Variants in TRUB2 observed in about 807,000 individuals in gnomAD.
TRUB2 encodes the protein TruB pseudouridine synthase family member 2, also known as pseudouridylate synthase TRUB2, mitochondrial.
A neutral mutation model predicts 31.9 loss-of-function variants in TRUB2; 31 were observed. That is an observed-to-expected ratio of 0.97 (90% confidence interval 0.73 to 1.31). The LOEUF is 1.31. TRUB2 is among the 50% of genes most tolerant of loss of function. TRUB2 has a pLI of 0.00. For synonymous variants in TRUB2, 201 were observed against 182.6 expected, an observed-to-expected ratio of 1.10 and a Z score of -0.81; for missense variants, 451 against 439.6, an observed-to-expected ratio of 1.03 and a Z score of -0.23.
At chr9:128,320,557 C>T (rs1832147710) in intron 2 of TRUB2, among the ~76,000 whole-genome samples, 1 of 151,956 alleles carries the variant, frequency 6.6e-6, no homozygotes, top group African/African-American at 2.4e-5. Context: ...GTCTCGAACT[C>T]CCGACCTCAG....
chr9:128,315,597 G>C lies in TRUB2; in HGVS notation c.348C>G (p.Leu116=). 6.2e-7 allele frequency: 1 copy of C among 1,613,758 alleles called. No homozygotes were observed. The highest frequency in any genetic ancestry group is 2.2e-5 in the East Asian group (1 of 44,876). The change falls in exon 4 of 8, where the codon CTC becomes CTG. Residue 116 remains leucine (L), a synonymous_variant. Transcript: ENST00000372890. Reference sequence around the variant, plus strand: ...TAAGATGAGCATTGTACATATCGGTGAGGAGCCTGCATCCATGTCCCACGC... The same window carrying C: ...TAAGATGAGCATTGTACATATCGGTCAGGAGCCTGCATCCATGTCCCACGC... ...VLGVGHGCRL[L]TDMYNAHLTK...
At chr9:128,312,428 G>C (rs369718010) in intron 5 of TRUB2, among the ~76,000 whole-genome samples, 1 of 148,892 alleles carries the variant, frequency 6.7e-6, no homozygotes, top group African/African-American at 2.5e-5. Context: ...GTGAGCCACC[G>C]AACCTGGCCT....
chr9:128,311,551 AG>A lies in TRUB2; in HGVS notation c.510del (p.Ser171ProfsTer7), dbSNP rs1368947053. 1.2e-6 allele frequency: 2 copies of A among 1,614,030 alleles called. No homozygotes were observed. Among genetic ancestry groups the A allele is most frequent in the African/African-American group, 1.3e-5 (1 of 75,004 alleles). ...CACATCACCAGGGCCTTCTGATGGG[AG>A]CCTTGGATAACGGCCAGAATGCGGT... ...KLDRILAVIQGSHQKALVMYS... is the reference protein window; with the variant it reads ...KLDRILAVIQXSHQKALVMYS... On this transcript the variant is annotated frameshift_variant, in exon 6 of 8. Transcript: ENST00000372890. LOFTEE classifies it high-confidence loss of function.
intron 3 of TRUB2, chr9:128,315,910 A>G: frequency 2.1e-6 from 1 of 468,404 alleles, no homozygotes; most frequent in South Asian, 2.3e-5. Flanking sequence ...AGAGGAAGAG[A>G]TCCCTGGCCT....
chr9:128,319,115 A>T (rs949460224), intron 2 of TRUB2, among the ~76,000 whole-genome samples: 20 of 151,934 alleles, frequency 1.3e-4, no homozygotes, highest in African/African-American at 4.1e-4. Flanking sequence ...TCACGAGGTC[A>T]GGAGATCGAG....
intron 3 of TRUB2, chr9:128,315,983 C>T (rs1301977340): frequency 1.6e-5 from 4 of 243,356 alleles, no homozygotes; most frequent in Admixed American, 9.0e-5. Flanking sequence ...CCTCTTTGAG[C>T]GTCAAGTTCC....
At chr9:128,317,027 G>A in intron 3 of TRUB2, 125 bp downstream of exon 3, 1 of 810,994 alleles carries the variant, frequency 1.2e-6, no homozygotes, top group Non-Finnish European at 1.9e-6. Context: ...CTTGGGGCAG[G>A]AATCAGGGCA....
At position 128,309,503 on chromosome 9, in the gene TRUB2, C is replaced by G. The variant is rs781730336; in HGVS notation, c.*47G>C. The stretch of plus-strand genomic sequence containing the variant: ...CACAGCTATCAGGTCCAGCTCATAG[C>G]AGTTCTTCTATTTATCCATCCACTG... On this transcript the variant is annotated 3_prime_UTR_variant, in exon 8 of 8. Coordinates refer to ENST00000372890, the MANE Select transcript of TRUB2 (RefSeq NM_015679.3). 1.3e-6 allele frequency: 2 copies of G among 1,564,008 alleles called. No homozygotes were observed. The highest frequency in any genetic ancestry group is 1.7e-6 in the Non-Finnish European group (2 of 1,149,906).
At chr9:128,311,304 C>T (rs1243678742) in intron 6 of TRUB2, 1 of 625,000 alleles carries the variant, frequency 1.6e-6, no homozygotes, top group African/African-American at 1.8e-5. Flanking sequence ...ATCATATACT[C>T]TCAGCAGGAC....
intron 4 of TRUB2, among the ~76,000 whole-genome samples, chr9:128,315,237 C>G (rs1039199191): frequency 6.6e-6 from 1 of 152,176 alleles, no homozygotes; most frequent in Non-Finnish European, 1.5e-5. Flanking sequence ...CTAACAACTA[C>G]ATGACCTAGG....
intron 2 of TRUB2, among the ~76,000 whole-genome samples, chr9:128,320,073 G>A (rs552590889): frequency 5.7e-4 from 86 of 150,760 alleles, no homozygotes; most frequent in South Asian, 2.9e-3. Flanking sequence ...CCACCACCAC[G>A]CCCGGCTAAT....
intron 6 of TRUB2, chr9:128,311,326 C>A (rs569202761): frequency 1.1e-5 from 7 of 639,108 alleles, no homozygotes; most frequent in African/African-American, 9.1e-5. Context: ...GCTTGGTTCT[C>A]TTGCTCTTCT....
chr9:128,311,979 G>T (rs1051052507), intron 5 of TRUB2, among the ~76,000 whole-genome samples: 2 of 151,426 alleles, frequency 1.3e-5, no homozygotes, highest in African/African-American at 4.9e-5. Context: ...GGGACTACAG[G>T]CGCCCACCAC....
At chr9:128,313,980 G>A (rs1041367420) in intron 4 of TRUB2, 91 bp from the exon 5 acceptor site, 1 of 1,214,710 alleles carries the variant, frequency 8.2e-7, no homozygotes, top group African/African-American at 1.5e-5. Flanking sequence ...GGGGTCCTCA[G>A]GTCTCCCTCA....
At chr9:128,310,757 G>T in intron 7 of TRUB2, 130 bp downstream of exon 7, 1 of 1,305,642 alleles carries the variant, frequency 7.7e-7, no homozygotes, top group Non-Finnish European at 1.1e-6. Flanking sequence ...GCCTTGGCCC[G>T]CAGAGATCAG....
intron 2 of TRUB2, 44 bp from the exon 3 acceptor site, chr9:128,317,270 C>G: frequency 6.5e-7 from 1 of 1,536,502 alleles, no homozygotes; most frequent in Non-Finnish European, 8.9e-7. Context: ...CTAAATGCCA[C>G]CCCAGGATGG....
rs1831902065 is a variant in TRUB2, at chr9:128,308,369, TAAAAATACAA to T, written c.*1171_*1180del. 1 of 150,822 alleles carries T rather than the reference TAAAAATACAA, an allele frequency of 6.6e-6. No individual in the cohort carries two copies. The highest frequency in any genetic ancestry group is 2.1e-4 in the South Asian group (1 of 4,778). The allele number at this position is 150,822 out of a possible 1,614,324, so 9.3% of individuals were successfully genotyped here. A position where few individuals can be genotyped will look rare whatever the true frequency, so the allele number is the denominator to read the frequency against. On this transcript the variant is annotated 3_prime_UTR_variant, in exon 8 of 8. Coordinates refer to ENST00000372890, the MANE Select transcript of TRUB2 (RefSeq NM_015679.3). The stretch of plus-strand genomic sequence containing the variant: ...TAACACGGTGCAACACCGTCTCTAC[TAAAAATACAA>T]AAAAATTAGCTGGGCGTGGTGGTGG...
Position 128,309,778 on chromosome 9 carries a change from C to A in TRUB2, c.768G>T (p.Arg256=). The A allele has an allele frequency of 6.2e-7, 1 of 1,614,256 alleles. No homozygotes were observed. Among genetic ancestry groups the A allele is most frequent in the South Asian group, 1.1e-5 (1 of 91,092 alleles). The change falls in exon 8 of 8, where the codon CGG becomes CGT. Residue 256 remains arginine (R), a synonymous_variant. Coordinates refer to ENST00000372890, the MANE Select transcript of TRUB2 (RefSeq NM_015679.3). ...GCGTGAAGAAGCCGTCGCGCGTGCG[C>A]CGCACTTGGGTGCAGACAGCAGTGG... The part of the protein sequence containing the change: ...LKTTAVCTQV[R]RTRDGFFTLD...
chr9:128,317,351 C>T (rs558341760), intron 2 of TRUB2, 125 bp from the exon 3 acceptor site: 1 of 826,072 alleles, frequency 1.2e-6, no homozygotes, highest in South Asian at 1.6e-5. Flanking sequence ...AGGCCAGACT[C>T]TCAGGCTTCC....
Sources: gnomAD v4.1 joint callset for allele counts (sites outside exome capture counted in the v4.1 genomes callset) on GRCh38, gnomAD v4.1.1 for gene constraint, MANE v1.5 for transcripts, NCBI Gene and HGNC (gene_info 2026-07-23, HGNC 2026-07-21) for gene names.